Variants in POLR3B observed in about 807,000 individuals in gnomAD.
The protein encoded by POLR3B is RNA polymerase III subunit B.
POLR3B carries 96 observed loss-of-function variants against 147.4 expected under a neutral mutation model. The ratio of observed to expected loss-of-function variants is 0.65; its 90% CI spans 0.55 to 0.77. The LOEUF is 0.77. Ranked by LOEUF, POLR3B falls within the 30% of genes least tolerant of loss-of-function variation. The pLI is 0.00. For missense variants in POLR3B, 1,036 were observed against 1,413.5 expected (o/e 0.73, Z 4.28); for synonymous variants, 461 against 485.9 (o/e 0.95, Z 0.67).
At chr12:106,505,183 A>G (rs928540941) in intron 27 of POLR3B, among the ~76,000 whole-genome samples, 2 of 151,964 alleles carry the variant, frequency 1.3e-5, no homozygotes, top group African/African-American at 4.8e-5. Context: ...TAATGATTCC[A>G]CTCTCACCAG....
At chr12:106,381,115 G>A (rs1275869307) in intron 9 of POLR3B, among the ~76,000 whole-genome samples, 1 of 152,162 alleles carries the variant, frequency 6.6e-6, no homozygotes, top group Non-Finnish European at 1.5e-5. Flanking sequence ...CTGGTAGAGG[G>A]TCTTACCTCA....
chr12:106,416,020 ACT>A (rs563057196), intron 12 of POLR3B, among the ~76,000 whole-genome samples: 119 of 152,244 alleles, frequency 7.8e-4, no homozygotes, highest in African/African-American at 2.7e-3. Context: ...ACTATTCAGG[ACT>A]CTGTGAATTT....
chr12:106,501,500 A>G, intron 26 of POLR3B, 64 bp downstream of exon 26: 1 of 1,020,988 alleles, frequency 9.8e-7, no homozygotes. Context: ...TATTTTCCAG[A>G]TATGGCAAAA....
At chr12:106,440,762 A>G (rs1365287537) in intron 18 of POLR3B, among the ~76,000 whole-genome samples, 4 of 151,228 alleles carry the variant, frequency 2.6e-5, no homozygotes, top group African/African-American at 9.7e-5. Context: ...CTATTACCAT[A>G]GAGTAAAATT....
Position 106,433,724 on chromosome 12 carries a change from A to G in POLR3B, c.1633A>G (p.Ile545Val). ...NVFLVFLNGNILGVIRDHKKL... is the reference protein window; with the variant it reads ...NVFLVFLNGNVLGVIRDHKKL... ...TGTTCTTTCTTTTTGCCTAGGTAAC[A>G]TCTTAGGTGTCATTCGAGACCACAA... Residue 545 changes from isoleucine (I) to valine (V), a missense_variant, in exon 16 of 28, where the codon ATC (isoleucine) becomes GTC (valine). Ile to Val is a conservative substitution (Grantham distance 29). Transcript: ENST00000228347. 1 of 1,613,068 alleles carries G rather than the reference A, an allele frequency of 6.2e-7. No individual in the cohort carries two copies. The highest frequency in any genetic ancestry group is 8.5e-7 in the Non-Finnish European group (1 of 1,179,570).
At chr12:106,471,351 T>G (rs2038088584) in intron 23 of POLR3B, among the ~76,000 whole-genome samples, 1 of 152,142 alleles carries the variant, frequency 6.6e-6, no homozygotes, top group Non-Finnish European at 1.5e-5. Context: ...AGTGTACCTC[T>G]TCTCCAGGTA....
chr12:106,422,118 A>C (rs1466499544), intron 12 of POLR3B, among the ~76,000 whole-genome samples: 1 of 152,162 alleles, frequency 6.6e-6, no homozygotes, highest in Non-Finnish European at 1.5e-5. Context: ...CCCAAATCTC[A>C]TGTTGACATG....
rs1013756869 is a variant in POLR3B at position 106,496,814 on chromosome 12, C to T, written c.2880C>T (p.Tyr960=). ...KAGVLDGRFH[Y]GTAFGGSKVK... Reference sequence around the variant, plus strand: ...GTGTGCTGGACGGCAGATTCCACTACGGCACTGCGTTTGGAGGCAGTAAAG... The same window carrying T: ...GTGTGCTGGACGGCAGATTCCACTATGGCACTGCGTTTGGAGGCAGTAAAG... The change falls in exon 25 of 28, where the codon TAC becomes TAT. Residue 960 remains tyrosine (Y), a synonymous_variant. Transcript: ENST00000228347. 23 of 1,614,042 alleles carry T rather than the reference C, an allele frequency of 1.4e-5. No individual in the cohort carries two copies. Among genetic ancestry groups the T allele is most frequent in the East Asian group, 6.7e-5 (3 of 44,876 alleles).
intron 9 of POLR3B, among the ~76,000 whole-genome samples, chr12:106,390,866 C>T (rs930126713): frequency 2.0e-5 from 3 of 152,110 alleles, no homozygotes; most frequent in African/African-American, 7.2e-5. Flanking sequence ...GGCTCAGAGT[C>T]TTTCATGTGC....
chr12:106,420,578 GT>G (rs1368719323), intron 12 of POLR3B, among the ~76,000 whole-genome samples: 1 of 152,114 alleles, frequency 6.6e-6, no homozygotes, highest in Non-Finnish European at 1.5e-5. Flanking sequence ...GTTTTTAAAT[GT>G]TTTGTCCAGA....
intron 23 of POLR3B, among the ~76,000 whole-genome samples, chr12:106,486,517 AG>A (rs1163980212): frequency 2.0e-5 from 3 of 152,110 alleles, no homozygotes; most frequent in Non-Finnish European, 2.9e-5. Context: ...CTCGTTGGAA[AG>A]ACACTACCTT....
At chr12:106,392,380 C>A (rs1024557265) in intron 9 of POLR3B, among the ~76,000 whole-genome samples, 1 of 152,126 alleles carries the variant, frequency 6.6e-6, no homozygotes, top group Non-Finnish European at 1.5e-5. Flanking sequence ...CCCAGCTGGT[C>A]TTGAACTCCC....
At chr12:106,476,738 C>G (rs951481667) in intron 23 of POLR3B, among the ~76,000 whole-genome samples, 1 of 151,602 alleles carries the variant, frequency 6.6e-6, no homozygotes, top group African/African-American at 2.4e-5. Flanking sequence ...AAGCACTTCT[C>G]TGTATTGGTT....
chr12:106,377,427 TG>T (rs1192325835), intron 7 of POLR3B, among the ~76,000 whole-genome samples: 1 of 152,250 alleles, frequency 6.6e-6, no homozygotes, highest in Non-Finnish European at 1.5e-5. Flanking sequence ...TATGTTGTAT[TG>T]TTTTTGCTTA....
intron 22 of POLR3B, among the ~76,000 whole-genome samples, chr12:106,463,231 A>G (rs2037963721): frequency 6.6e-6 from 1 of 152,172 alleles, no homozygotes; most frequent in Non-Finnish European, 1.5e-5. Flanking sequence ...ATAATAAGGG[A>G]ATAACAGTAT....
At position 106,444,599 on chromosome 12, in the gene POLR3B, TC is replaced by T. The variant is rs2137017209; in HGVS notation, c.2083+11del. The T allele has an allele frequency of 6.2e-7, 1 of 1,613,726 alleles. No individual in the cohort carries two copies. Among genetic ancestry groups the T allele is most frequent in the Non-Finnish European group, 8.5e-7 (1 of 1,179,824 alleles). ...GGGGAAACAAGCCATGGGTAAGATT[TC>T]CTTCTTGAAAGTTGGTTCTAAATAC... On this transcript the variant is annotated intron_variant, in intron 19 of 27. Coordinates refer to ENST00000228347, the MANE Select transcript of POLR3B (RefSeq NM_018082.6).
At chr12:106,379,912 A>T in intron 8 of POLR3B, 119 bp from the exon 9 acceptor site, 1 of 706,832 alleles carries the variant, frequency 1.4e-6, no homozygotes, top group South Asian at 1.5e-5. Context: ...ATTAGAAAGG[A>T]CCTTGTGATT....
In POLR3B at chr12:106,509,632, T is replaced by C; in HGVS notation, c.*83T>C. Reference sequence around the variant, plus strand: ...AGAAGGGATTTAGGACTACGTCTCCTCCTGTGAAGAATTCCCTTGCGTATT... The same window carrying C: ...AGAAGGGATTTAGGACTACGTCTCCCCCTGTGAAGAATTCCCTTGCGTATT... On this transcript the variant is annotated 3_prime_UTR_variant, in exon 28 of 28. Coordinates refer to ENST00000228347, the MANE Select transcript of POLR3B (RefSeq NM_018082.6). 7.9e-7 allele frequency: 1 copy of C among 1,262,388 alleles called. No individual in the cohort carries two copies. Among genetic ancestry groups the C allele is most frequent in the Non-Finnish European group, 1.1e-6 (1 of 877,968 alleles). The allele number at this position is 1,262,388 out of a possible 1,614,324, so 78.2% of individuals were successfully genotyped here. A position where few individuals can be genotyped will look rare whatever the true frequency, so the allele number is the denominator to read the frequency against.
At chr12:106,365,851 T>G (rs1290224956) in intron 2 of POLR3B, among the ~76,000 whole-genome samples, 1 of 142,572 alleles carries the variant, frequency 7.0e-6, no homozygotes, top group Non-Finnish European at 1.5e-5. Flanking sequence ...AGAGCGAGAC[T>G]CTGTCTCAAA....
Sources: allele counts gnomAD v4.1 joint callset (sites outside exome capture counted in the v4.1 genomes callset), GRCh38; gene constraint gnomAD v4.1.1; transcripts MANE v1.5; gene names NCBI Gene and HGNC (gene_info 2026-07-23, HGNC 2026-07-21).